Variants in OSGIN1 observed in about 807,000 individuals in gnomAD.
The protein encoded by OSGIN1 is oxidative stress-induced growth inhibitor 1.
OSGIN1 carries 19 observed loss-of-function variants against 20.1 expected under a neutral mutation model. The ratio of observed to expected loss-of-function variants is 0.95; its 90% CI spans 0.66 to 1.39. OSGIN1 has a LOEUF of 1.39. Ranked by LOEUF, OSGIN1 falls within the 40% of genes most tolerant of loss-of-function variation. The probability of loss-of-function intolerance (pLI) is 0.00; values close to 1 mark genes in which losing one functional copy is unlikely to be tolerated. For missense variants in OSGIN1, 820 were observed against 653.0 expected, an observed-to-expected ratio of 1.26 and a Z score of -2.79; for synonymous variants, 368 against 297.8, an observed-to-expected ratio of 1.24 and a Z score of -2.43.
intron 1 of OSGIN1, chr16:83,954,699 A>G (rs1364526514): frequency 5.3e-6 from 5 of 948,382 alleles, no homozygotes; most frequent in African/African-American, 1.8e-5. Context: ...CTTCTGTTCA[A>G]GAGCCTGAGG....
intron 3 of OSGIN1, among the ~76,000 whole-genome samples, chr16:83,959,643 G>A (rs952977805): frequency 2.6e-5 from 4 of 152,122 alleles, no homozygotes; most frequent in Non-Finnish European, 2.9e-5. Context: ...TTTTCTCCTC[G>A]GGGGGCACCT....
chr16:83,964,979 A>G, intron 5 of OSGIN1, 83 bp from the exon 6 acceptor site: 1 of 921,944 alleles, frequency 1.1e-6, no homozygotes. Context: ...AGGGCCTGAC[A>G]CTGCCCTGGA....
Position 83,965,080 on chromosome 16 carries a change from G to C in OSGIN1, c.507G>C (p.Arg169=), listed in dbSNP as rs747732088. The C allele has an allele frequency of 6.2e-7, 1 of 1,601,604 alleles. No individual in the cohort carries two copies. Among genetic ancestry groups the C allele is most frequent in the South Asian group, 1.1e-5 (1 of 90,308 alleles). The change falls in exon 6 of 6, where the codon CGG becomes CGC. Residue 169 remains arginine (R), a synonymous_variant. Coordinates refer to ENST00000393306, the MANE Select transcript of OSGIN1 (RefSeq NM_182981.3). ...CCAACAGAGGTCTTCGCAACAGCCG[G>C]GCCACTGCCGGGGACATCGCCCACT... The part of the protein sequence containing the change: ...QKKRRGLRNS[R]ATAGDIAHYY...
rs908320461 is a variant in OSGIN1 at position 83,965,484 on chromosome 16, C to G, written c.911C>G (p.Ala304Gly). The change falls in exon 6 of 6, where the codon GCC becomes GGC. Residue 304 changes from alanine (A) to glycine (G), a missense_variant. Transcript: ENST00000393306. ...TCAGCGGCCGACGCGGTCCTCTACG[C>G]CCGCCACTACAACATCCCGGTGATC... ...GLSAADAVLY[A>G]RHYNIPVIHA... 1.9e-6 allele frequency: 3 copies of G among 1,609,438 alleles called. No individual in the cohort carries two copies. In the African/African-American group the frequency reaches 4.0e-5, roughly 21 times the overall value.
In OSGIN1 at chr16:83,963,294, C is replaced by G. The variant is rs567352261; in HGVS notation, c.489-1768C>G. On this transcript the variant is annotated intron_variant, in intron 5 of 5. Transcript: ENST00000393306. ...CATTTTGCATTTTCACATTGTATCCCAAGCGTTTCATGTGGTGAAGTCACA... is the reference window on the plus strand; with the variant it reads ...CATTTTGCATTTTCACATTGTATCCGAAGCGTTTCATGTGGTGAAGTCACA... Among the ~76,000 whole-genome samples the G allele has an allele frequency of 5.9e-5, 9 of 152,328 alleles. 1 individual carries two copies. In the South Asian group the frequency reaches 1.5e-3, roughly 25 times the overall value.
chr16:83,964,212 G>A (rs1056587456), intron 5 of OSGIN1, among the ~76,000 whole-genome samples: 2 of 152,152 alleles, frequency 1.3e-5, no homozygotes, highest in Admixed American at 1.3e-4. Flanking sequence ...GCCGAGGTAT[G>A]AGAATCACCT....
rs1491399747 is a variant in OSGIN1, at chr16:83,957,859, T to TATTTA, written c.67+121_67+122insATTTA. ...TCTTTTTTCGTTTTTGGGGTTTATT[T>TATTTA]TTTATTTATTTATTTATTTATTTAT... On this transcript the variant is annotated intron_variant, in intron 2 of 5. Transcript: ENST00000393306. 2.8e-3 allele frequency: 1,019 copies of TATTTA among 367,936 alleles called. 9 individuals are homozygous for TATTTA. Among genetic ancestry groups the TATTTA allele is most frequent in the African/African-American group, 0.02 (904 of 44,840 alleles). 22.8% of individuals were successfully genotyped at this position (367,936 alleles called of 1,614,324 possible). A position where few individuals can be genotyped will look rare whatever the true frequency, so the allele number is the denominator to read the frequency against.
intron 1 of OSGIN1, among the ~76,000 whole-genome samples, chr16:83,956,046 CAG>C (rs1372497618): frequency 6.6e-6 from 1 of 152,252 alleles, no homozygotes; most frequent in African/African-American, 2.4e-5. Flanking sequence ...ACCTGCAAGA[CAG>C]AGGTGACAGG....
intron 3 of OSGIN1, 23 bp from the exon 4 acceptor site, chr16:83,960,546 C>T (rs372920134): frequency 2.5e-6 from 4 of 1,605,722 alleles, no homozygotes; most frequent in Non-Finnish European, 2.6e-6. Flanking sequence ...CCAGCAGCCC[C>T]TCTGACCTAT....
rs1200298298 is a variant in OSGIN1 at position 83,953,307 on chromosome 16, C to T, written c.-96C>T. On this transcript the variant is annotated 5_prime_UTR_variant, in exon 1 of 6. Coordinates refer to ENST00000393306, the MANE Select transcript of OSGIN1 (RefSeq NM_182981.3). The stretch of plus-strand genomic sequence containing the variant: ...CGCGGGGGACTCTGTGATCCGTGTT[C>T]CCCTGACCCTCCTAGTGCACAACTT... 2.3e-6 allele frequency: 3 copies of T among 1,288,940 alleles called. No individual in the cohort carries two copies. Among genetic ancestry groups the T allele is most frequent in the Admixed American group, 2.3e-5 (1 of 43,538 alleles). The allele number at this position is 1,288,940 out of a possible 1,614,324, so 79.8% of individuals were successfully genotyped here.
At position 83,957,693 on chromosome 16, in the gene OSGIN1, C is replaced by T; in HGVS notation, c.22C>T (p.His8Tyr). 2 of 1,607,312 alleles carry T rather than the reference C, an allele frequency of 1.2e-6. No homozygotes were observed. Among genetic ancestry groups the T allele is most frequent in the South Asian group, 1.1e-5 (1 of 90,036 alleles). The change falls in exon 2 of 6, where the codon CAC becomes TAC. Residue 8 changes from histidine to tyrosine, a missense_variant. Coordinates refer to ENST00000393306, the MANE Select transcript of OSGIN1 (RefSeq NM_182981.3). ...AGCCATGAGCTCCTCCAGAAAGGACCACCTCGGCGCCAGCAGCTCAGAGCC... is the reference window on the plus strand; with the variant it reads ...AGCCATGAGCTCCTCCAGAAAGGACTACCTCGGCGCCAGCAGCTCAGAGCC... MSSSRKD[H>Y]LGASSSEPLP...
Position 83,965,563 on chromosome 16 carries a change from C to G in OSGIN1, c.990C>G (p.Pro330=). The change falls in exon 6 of 6, where the codon CCC becomes CCG. Residue 330 remains proline (P), a synonymous_variant. Transcript: ENST00000393306. ...DDPGLVFNQL[P]KMLYPEYHKV... ...CTGGCCTGGTGTTCAACCAGCTGCC[C>G]AAGATGCTGTACCCCGAGTACCACA... 1.9e-6 allele frequency: 3 copies of G among 1,612,946 alleles called. No homozygotes were observed. Among genetic ancestry groups the G allele is most frequent in the Admixed American group, 1.7e-5 (1 of 60,018 alleles).
At chr16:83,962,892 T>C (rs373468830) in intron 5 of OSGIN1, among the ~76,000 whole-genome samples, 15 of 152,362 alleles carry the variant, frequency 9.8e-5, no homozygotes, top group African/African-American at 3.4e-4. Flanking sequence ...GGCAGTTCCC[T>C]GCTTGACTTT....
chr16:83,963,307 T>A (rs751084808), intron 5 of OSGIN1, among the ~76,000 whole-genome samples: 1 of 152,238 alleles, frequency 6.6e-6, no homozygotes, highest in African/African-American at 2.4e-5. Context: ...GCGTTTCATG[T>A]GGTGAAGTCA....
rs146004735 is a variant in OSGIN1, at chr16:83,959,297, C to G, written c.105C>G (p.Leu35=). The part of the protein sequence containing the change: ...GPSGICLSYL[L]SGYTPYTKPD... ...CTGGTATCTGCCTGTCCTACCTGCT[C>G]TCCGGCTACACACCCTACACGAAGC... The change falls in exon 3 of 6, where the codon CTC becomes CTG. Residue 35 remains leucine (L), a synonymous_variant. Transcript: ENST00000393306. 2 of 1,613,586 alleles carry G rather than the reference C, an allele frequency of 1.2e-6. No individual in the cohort carries two copies. The highest frequency in any genetic ancestry group is 1.1e-5 in the South Asian group (1 of 91,064).
At chr16:83,956,803 C>T (rs548493524) in intron 1 of OSGIN1, among the ~76,000 whole-genome samples, 3 of 152,320 alleles carry the variant, frequency 2.0e-5, no homozygotes, top group African/African-American at 7.2e-5. Context: ...AGCATGTGGC[C>T]CTCGGGTGAG....
intron 2 of OSGIN1, 127 bp from the exon 3 acceptor site, chr16:83,959,133 A>T: frequency 1.4e-6 from 1 of 712,160 alleles, no homozygotes; most frequent in Non-Finnish European, 2.4e-6. Flanking sequence ...CTAAGGGCTT[A>T]ATAAATATTT....
At position 83,965,296 on chromosome 16, in the gene OSGIN1, C is replaced by A. The variant is rs772430274; in HGVS notation, c.723C>A (p.Asn241Lys). The A allele has an allele frequency of 3.8e-6, 6 of 1,598,654 alleles. No individual in the cohort carries two copies. The highest frequency in any genetic ancestry group is 5.1e-6 in the Non-Finnish European group (6 of 1,171,976). The change falls in exon 6 of 6, where the codon AAC becomes AAA. Residue 241 changes from asparagine (N) to lysine (K), a missense_variant. Asn to Lys is a moderately conservative substitution (Grantham distance 94). Coordinates refer to ENST00000393306, the MANE Select transcript of OSGIN1 (RefSeq NM_182981.3). Reference sequence around the variant, plus strand: ...AGCCCTTCTCGCTGTGGGCCCGCAACGTGGTCCTCGCCACAGGCACGTTCG... The same window carrying A: ...AGCCCTTCTCGCTGTGGGCCCGCAAAGTGGTCCTCGCCACAGGCACGTTCG... ...AQQPFSLWAR[N>K]VVLATGTFDS...
chr16:83,957,817 C>A, intron 2 of OSGIN1, 79 bp downstream of exon 2: 1 of 639,792 alleles, frequency 1.6e-6, no homozygotes, highest in Non-Finnish European at 2.7e-6. Flanking sequence ...AGGAGCTGGG[C>A]AAGTCCAGGC....
Sources: gnomAD v4.1 joint callset for allele counts (sites outside exome capture counted in the v4.1 genomes callset) on GRCh38, gnomAD v4.1.1 for gene constraint, MANE v1.5 for transcripts, NCBI Gene and HGNC (gene_info 2026-07-23, HGNC 2026-07-21) for gene names.